COL25A1: variants seen among roughly 807,000 people sequenced by gnomAD.
COL25A1 encodes collagen type XXV alpha 1 chain, also known as collagen alpha-1(XXV) chain.
A neutral mutation model predicts 128.4 loss-of-function variants in COL25A1; 103 were observed. That is an observed-to-expected ratio of 0.80 (90% CI 0.68 to 0.94). The LOEUF (loss-of-function observed/expected upper bound fraction) is 0.94. Among genes scored for constraint, COL25A1 ranks in the 40% least tolerant of loss-of-function variants. The pLI, the probability that COL25A1 is intolerant of heterozygous loss-of-function variation, is 0.00. For synonymous variants in COL25A1, 279 were observed against 277.2 expected (o/e 1.01, Z -0.06); for missense variants, 745 against 840.0 (o/e 0.89, Z 1.40).
intron 3 of COL25A1, among the ~76,000 whole-genome samples, chr4:109,279,554 C>G (rs555398941): frequency 6.6e-6 from 1 of 151,954 alleles, no homozygotes; most frequent in African/African-American, 2.4e-5. Context: ...CCAGCTTGGG[C>G]GACACAGCAA....
chr4:108,997,262 A>G (rs1470998206), intron 6 of COL25A1, among the ~76,000 whole-genome samples: 1 of 152,222 alleles, frequency 6.6e-6, no homozygotes, highest in Non-Finnish European at 1.5e-5. Context: ...GAAGAATCAA[A>G]TAGATGCAAT....
At chr4:109,144,389 G>A (rs1019714308) in intron 3 of COL25A1, among the ~76,000 whole-genome samples, 2 of 152,216 alleles carry the variant, frequency 1.3e-5, no homozygotes, top group African/African-American at 4.8e-5. Context: ...ACCCACTTGA[G>A]GAGGCAGTCT....
At chr4:109,263,702 T>A (rs1181730383) in intron 3 of COL25A1, among the ~76,000 whole-genome samples, 1 of 152,210 alleles carries the variant, frequency 6.6e-6, no homozygotes, top group Non-Finnish European at 1.5e-5. Flanking sequence ...TTTCATACCG[T>A]ATTGCTGCCT....
chr4:109,227,308 A>T (rs1045056137), intron 3 of COL25A1, among the ~76,000 whole-genome samples: 3 of 152,198 alleles, frequency 2.0e-5, no homozygotes, highest in African/African-American at 7.2e-5. Context: ...TATTTACACA[A>T]TTTACACCTC....
At chr4:109,254,469 T>TTATTTA (rs1780915474) in intron 3 of COL25A1, among the ~76,000 whole-genome samples, 1 of 59,592 alleles carries the variant, frequency 1.7e-5, no homozygotes, top group Non-Finnish European at 3.3e-5. Flanking sequence ...AGGCATATGT[T>TTATTTA]TATATATATA....
At chr4:109,105,600 T>G (rs1766354415) in intron 3 of COL25A1, among the ~76,000 whole-genome samples, 1 of 152,206 alleles carries the variant, frequency 6.6e-6, no homozygotes, top group African/African-American at 2.4e-5. Context: ...GGTGACAATT[T>G]TATAATATGT....
At chr4:109,045,175 C>T (rs1322873600) in intron 5 of COL25A1, among the ~76,000 whole-genome samples, 2 of 152,134 alleles carry the variant, frequency 1.3e-5, no homozygotes, top group Non-Finnish European at 2.9e-5. Flanking sequence ...GTATGTAATA[C>T]ATACAACATA....
chr4:109,017,154 G>T (rs1038163346), intron 5 of COL25A1, among the ~76,000 whole-genome samples: 1 of 152,198 alleles, frequency 6.6e-6, no homozygotes, highest in South Asian at 2.1e-4. Context: ...CACTTGCAGT[G>T]CATCTTATCC....
chr4:108,874,186 A>G (rs1739151855), intron 19 of COL25A1, among the ~76,000 whole-genome samples: 1 of 152,204 alleles, frequency 6.6e-6, no homozygotes, highest in Non-Finnish European at 1.5e-5. Flanking sequence ...CTTTTGGGAA[A>G]TCATCTTTGG....
At chr4:109,138,204 T>C (rs928257640) in intron 3 of COL25A1, among the ~76,000 whole-genome samples, 9 of 152,184 alleles carry the variant, frequency 5.9e-5, no homozygotes, top group African/African-American at 2.2e-4. Flanking sequence ...TTTTCATTGT[T>C]CAACTCCCAC....
At position 108,843,141 on chromosome 4, in the gene COL25A1, C is replaced by A. The variant is rs1161614595; in HGVS notation, c.1629+1378G>T. Among the ~76,000 whole-genome samples the A allele has an allele frequency of 2.1e-4, 21 of 98,336 alleles. No individual in the cohort carries two copies. The Admixed American group carries it at 2.7e-3, about 13-fold the overall frequency. The allele number at this position is 98,336 out of a possible 152,430, so 64.5% of individuals were successfully genotyped here. On this transcript the variant is annotated intron_variant, in intron 30 of 37. Coordinates refer to ENST00000399132, the MANE Select transcript of COL25A1 (RefSeq NM_198721.4). ...TCCAGCCTGGGTGACAGAGTGAGAC[C>A]CTGTCTCAAAAAAAAAAAAAAAAAA...
intron 3 of COL25A1, among the ~76,000 whole-genome samples, chr4:109,211,302 A>G (rs1777523612): frequency 2.1e-5 from 1 of 48,590 alleles, no homozygotes; most frequent in African/African-American, 2.8e-4. Flanking sequence ...ATATATATAT[A>G]TATATATATA....
At chr4:109,111,971 A>G (rs1374505770) in intron 3 of COL25A1, among the ~76,000 whole-genome samples, 1 of 152,126 alleles carries the variant, frequency 6.6e-6, no homozygotes, top group Non-Finnish European at 1.5e-5. Context: ...ATACATTTGG[A>G]GAATCTCACG....
chr4:109,008,160 T>C (rs1756218354), intron 6 of COL25A1, among the ~76,000 whole-genome samples: 1 of 152,370 alleles, frequency 6.6e-6, no homozygotes, highest in East Asian at 1.9e-4. Flanking sequence ...AGGTCCCATA[T>C]GTCCCTCTGG....
At chr4:109,002,075 T>C (rs1171132087) in intron 6 of COL25A1, among the ~76,000 whole-genome samples, 1 of 152,190 alleles carries the variant, frequency 6.6e-6, no homozygotes, top group Non-Finnish European at 1.5e-5. Context: ...TTGGTAAGGA[T>C]GTAGAGCAAA....
intron 35 of COL25A1, among the ~76,000 whole-genome samples, chr4:108,823,583 T>C (rs538370916): frequency 1.3e-5 from 2 of 152,322 alleles, no homozygotes; most frequent in African/African-American, 4.8e-5. Flanking sequence ...GGTTCTGAGA[T>C]AGAACTTCAA....
chr4:108,819,130 A>T (rs1190707766), intron 36 of COL25A1, 122 bp downstream of exon 36: 2 of 617,202 alleles, frequency 3.2e-6, no homozygotes, highest in Non-Finnish European at 5.4e-6. Context: ...GTTCATGCAC[A>T]TGCATGTAGT....
chr4:109,030,677 G>A (rs2125914629), intron 5 of COL25A1, among the ~76,000 whole-genome samples: 1 of 152,282 alleles, frequency 6.6e-6, no homozygotes, highest in East Asian at 1.9e-4. Flanking sequence ...ATATCAACAT[G>A]GACATATTAA....
intron 3 of COL25A1, among the ~76,000 whole-genome samples, chr4:109,270,934 G>A (rs1360161231): frequency 6.6e-6 from 1 of 152,072 alleles, no homozygotes; most frequent in Non-Finnish European, 1.5e-5. Context: ...TGCCTACTAT[G>A]CATTATTTCT....
Sources: gnomAD v4.1 joint callset for allele counts (sites outside exome capture counted in the v4.1 genomes callset) on GRCh38, gnomAD v4.1.1 for gene constraint, MANE v1.5 for transcripts, NCBI Gene and HGNC (gene_info 2026-07-23, HGNC 2026-07-21) for gene names.